Variants in LOXL4 observed in about 807,000 individuals in gnomAD.
The protein encoded by LOXL4 is lysyl oxidase like 4.
In LOXL4, 72 loss-of-function variants were observed where a neutral mutation model predicts 89.1. The ratio of observed to expected loss-of-function variants is 0.81; its 90% CI spans 0.67 to 0.98. The LOEUF (loss-of-function observed/expected upper bound fraction) is 0.98. LOXL4 is among the 50% of genes least tolerant of loss of function. The pLI is 0.00. For missense variants in LOXL4, 984 were observed against 1,017.5 expected (o/e 0.97, Z 0.45); for synonymous variants, 355 against 392.1 (o/e 0.91, Z 1.12).
At chr10:98,255,908 T>TTGATGTTA in intron 9 of LOXL4, 169 bp from the exon 10 acceptor site, 1 of 702,744 alleles carries the variant, frequency 1.4e-6, no homozygotes, top group Non-Finnish European at 2.3e-6. Flanking sequence ...CATGACACAT[T>TTGATGTTA]TGGACCCTTC....
chr10:98,253,737 G>T lies in LOXL4; in HGVS notation c.1651C>A (p.Arg551Ser), dbSNP rs761327016. 1 of 1,614,070 alleles carries T rather than the reference G, an allele frequency of 6.2e-7. No homozygotes were observed. Among genetic ancestry groups the T allele is most frequent in the Non-Finnish European group, 8.5e-7 (1 of 1,180,034 alleles). The change falls in exon 11 of 15, where the codon CGC becomes AGC. Residue 551 changes from arginine to serine, a missense_variant. Transcript: ENST00000260702. ...LVQETAYLED[R>S]PLSQLYCAHE... ...GCACAATACAGCTGGCTGAGCGGGC[G>T]GTCCTCCAAGTAGGCCGTCTCCTGC...
intron 3 of LOXL4, 31 bp from the exon 4 acceptor site, chr10:98,261,158 G>A (rs377220773): frequency 2.9e-5 from 47 of 1,601,650 alleles, no homozygotes; most frequent in Non-Finnish European, 3.7e-5. Flanking sequence ...TGTGGGCCTC[G>A]GGGCTCCTGC....
rs1008470822 is a variant in LOXL4, at chr10:98,250,986, G to A, written c.2200+79C>T. The A allele has an allele frequency of 2.7e-5, 27 of 989,082 alleles. No individual in the cohort carries two copies. The African/African-American group carries it at 4.3e-4, about 16-fold the overall frequency. 61.3% of individuals were successfully genotyped at this position (989,082 alleles called of 1,614,324 possible). ...ACACATACAAGTCACACGCTGGAGT[G>A]TGGGAGCAGAGGGTACATTTACAGT... On this transcript the variant is annotated intron_variant, in intron 14 of 14. Coordinates refer to ENST00000260702, the MANE Select transcript of LOXL4 (RefSeq NM_032211.7).
rs1564761580 is a variant in LOXL4, at chr10:98,262,092, GTGGCATA to G, written c.392_398del (p.Ile131ThrfsTer42). The G allele has an allele frequency of 1.2e-6, 2 of 1,612,542 alleles. No homozygotes were observed. Among genetic ancestry groups the G allele is most frequent in the Admixed American group, 3.3e-5 (2 of 59,838 alleles). ...AAAGGTAGCCACGATGGCGCCGGGG[GTGGCATA>G]TCACCCCTACGTCTTCTGAGTGACT... On this transcript the variant is annotated frameshift_variant, in exon 3 of 15. Transcript: ENST00000260702. LOFTEE classifies it high-confidence loss of function.
rs763410153 is a variant in LOXL4 at position 98,252,452 on chromosome 10, C to T, written c.1852G>A (p.Glu618Lys). 4 of 1,613,712 alleles carry T rather than the reference C, an allele frequency of 2.5e-6. No individual in the cohort carries two copies. The highest frequency in any genetic ancestry group is 1.3e-5 in the African/African-American group (1 of 75,026). The change falls in exon 12 of 15, where the codon GAG becomes AAG. Residue 618 changes from glutamate to lysine, a missense_variant. Physicochemically the swap from Glu to Lys is moderately conservative, Grantham distance 56. Transcript: ENST00000260702. The part of the protein sequence containing the change: ...HQCHRHYHSI[E>K]VFTHYDLLTL... ...AGGAGGTCGTAGTGGGTGAAGACCT[C>T]AATGCTGTGGTAATGCCTGCAGAAG... is the stretch of plus-strand genomic sequence containing the variant.
At chr10:98,266,766 G>A (rs1272030543) in intron 1 of LOXL4, among the ~76,000 whole-genome samples, 1 of 151,864 alleles carries the variant, frequency 6.6e-6, no homozygotes, top group Non-Finnish European at 1.5e-5. Flanking sequence ...ATCTAAGACT[G>A]TTAAACTCCT....
At chr10:98,257,936 T>C (rs746820699) in intron 7 of LOXL4, 45 bp downstream of exon 7, 4 of 1,602,324 alleles carry the variant, frequency 2.5e-6, no homozygotes, top group Non-Finnish European at 1.7e-6. Flanking sequence ...CATGGACCAG[T>C]GGCATATCCA....
intron 8 of LOXL4, 39 bp downstream of exon 8, chr10:98,257,611 C>T (rs780224766): frequency 1.5e-5 from 24 of 1,594,466 alleles, no homozygotes; most frequent in Admixed American, 1.2e-4. Flanking sequence ...CAGGGTTTCC[C>T]GGCCCCCAGC....
chr10:98,266,566 G>A (rs1296382705), intron 1 of LOXL4, among the ~76,000 whole-genome samples: 1 of 152,178 alleles, frequency 6.6e-6, no homozygotes, highest in African/African-American at 2.4e-5. Flanking sequence ...TCTGGGCCAG[G>A]GAAGCTCCCT....
intron 14 of LOXL4, among the ~76,000 whole-genome samples, chr10:98,250,711 C>T (rs1047783183): frequency 2.6e-5 from 4 of 152,156 alleles, no homozygotes; most frequent in African/African-American, 7.2e-5. Context: ...AGGACCCTAA[C>T]CCTAACTTCT....
chr10:98,252,338 C>T lies in LOXL4; in HGVS notation c.1951+15G>A. On this transcript the variant is annotated intron_variant, in intron 12 of 14. Coordinates refer to ENST00000260702, the MANE Select transcript of LOXL4 (RefSeq NM_032211.7). ...AAAAGGAGATGCTGATAGGTGCTGACAGGAAACCACATACCTGTGGGGCAG... is the reference window on the plus strand; with the variant it reads ...AAAAGGAGATGCTGATAGGTGCTGATAGGAAACCACATACCTGTGGGGCAG... The T allele has an allele frequency of 6.3e-7, 1 of 1,579,620 alleles. No individual in the cohort carries two copies. The highest frequency in any genetic ancestry group is 8.7e-7 in the Non-Finnish European group (1 of 1,148,924).
chr10:98,263,155 C>A (rs1297572978), intron 1 of LOXL4, 104 bp from the exon 2 acceptor site: 6 of 787,412 alleles, frequency 7.6e-6, no homozygotes, highest in Non-Finnish European at 1.1e-5. Flanking sequence ...GAAAACCCCC[C>A]TCAAATGTGT....
chr10:98,263,705 CTTTCTTTCTTTTTTCTTTCTTTCTTTCTT>C (rs1470242121), intron 1 of LOXL4, among the ~76,000 whole-genome samples: 2 of 151,216 alleles, frequency 1.3e-5, no homozygotes, highest in Non-Finnish European at 2.9e-5. Context: ...GGTCCTGACT[CTTTCTTTCTTTTTTCTTTCTTTCTTTCTT>C]TTTTTTTTTT....
chr10:98,266,313 C>T (rs980886168), intron 1 of LOXL4, among the ~76,000 whole-genome samples: 1 of 152,208 alleles, frequency 6.6e-6, no homozygotes, highest in African/African-American at 2.4e-5. Context: ...ATTTTCCTTT[C>T]TCTGAGTCTC....
chr10:98,264,037 CTT>C (rs1265760889), intron 1 of LOXL4, among the ~76,000 whole-genome samples: 1 of 152,052 alleles, frequency 6.6e-6, no homozygotes, highest in East Asian at 1.9e-4. Flanking sequence ...GGCCCTGACT[CTT>C]TATTTCTAAA....
chr10:98,259,579 G>C, intron 4 of LOXL4, 150 bp from the exon 5 acceptor site: 1 of 765,960 alleles, frequency 1.3e-6, no homozygotes, highest in South Asian at 1.5e-5. Flanking sequence ...GAGCTTCACA[G>C]CAGCCCTGAC....
chr10:98,250,959 A>G lies in LOXL4; in HGVS notation c.2200+106T>C, dbSNP rs1858172830. 4 of 776,418 alleles carry G rather than the reference A, an allele frequency of 5.2e-6. No individual in the cohort carries two copies. In the South Asian group the frequency reaches 6.2e-5, roughly 12 times the overall value. The allele number at this position is 776,418 out of a possible 1,614,324, so 48.1% of individuals were successfully genotyped here. A position where few individuals can be genotyped will look rare whatever the true frequency, so the allele number is the denominator to read the frequency against. ...TTCCATCCATAGCCTTTTGCACACC[A>G]CACACATACAAGTCACACGCTGGAG... On this transcript the variant is annotated intron_variant, in intron 14 of 14. Coordinates refer to ENST00000260702, the MANE Select transcript of LOXL4 (RefSeq NM_032211.7).
chr10:98,248,960 G>A lies in LOXL4; in HGVS notation c.2232C>T (p.Ser744=). 1 of 1,614,028 alleles carries A rather than the reference G, an allele frequency of 6.2e-7. No homozygotes were observed. The highest frequency in any genetic ancestry group is 1.1e-5 in the South Asian group (1 of 90,980). The change falls in exon 15 of 15, where the codon TCC becomes TCT. Residue 744 remains serine, a synonymous_variant. Coordinates refer to ENST00000260702, the MANE Select transcript of LOXL4 (RefSeq NM_032211.7). ...GNSYPANAEL[S]LEQEQRLRNN... The stretch of plus-strand genomic sequence containing the variant: ...TCCTGAGACGCTGTTCCTGCTCCAG[G>A]GAGAGTTCTGCATTGGCTGGGTATG...
At chr10:98,250,231 G>A (rs1360237064) in intron 14 of LOXL4, among the ~76,000 whole-genome samples, 1 of 152,172 alleles carries the variant, frequency 6.6e-6, no homozygotes, top group Non-Finnish European at 1.5e-5. Context: ...TCAAACCTCA[G>A]ATCAAATACT....
Sources: allele counts gnomAD v4.1 joint callset (sites outside exome capture counted in the v4.1 genomes callset), GRCh38; gene constraint gnomAD v4.1.1; transcripts MANE v1.5; gene names NCBI Gene and HGNC (gene_info 2026-07-23, HGNC 2026-07-21).